Variants in C6 observed in about 807,000 individuals in gnomAD.
C6 encodes the protein complement component C6.
Under a neutral mutation model 112.9 loss-of-function variants are expected in C6, and 101 were observed. The ratio of observed to expected loss-of-function variants is 0.89; its 90% CI spans 0.76 to 1.06. C6 has a LOEUF of 1.06. C6 is among the 50% of genes least tolerant of loss of function. The pLI, the probability that C6 is intolerant of heterozygous loss-of-function variation, is 0.00. For missense variants in C6, 1,202 were observed against 1,104.6 expected (o/e 1.09, Z -1.25); for synonymous variants, 431 against 384.1 (o/e 1.12, Z -1.43).
intron 1 of C6, among the ~76,000 whole-genome samples, chr5:41,222,925 ACTGT>A (rs1383833673): frequency 6.6e-6 from 1 of 152,154 alleles, no homozygotes; most frequent in Non-Finnish European, 1.5e-5. Flanking sequence ...TAATATCCTA[ACTGT>A]GTTCATTTAA....
intron 3 of C6, 81 bp from the exon 4 acceptor site, chr5:41,199,993 C>T: frequency 7.9e-7 from 1 of 1,268,792 alleles, no homozygotes. Context: ...GCTCCTCAAT[C>T]ACAACAGTGA....
At chr5:41,169,410 A>G (rs1748249331) in intron 9 of C6, among the ~76,000 whole-genome samples, 1 of 152,142 alleles carries the variant, frequency 6.6e-6, no homozygotes, top group Non-Finnish European at 1.5e-5. Flanking sequence ...GTTTGACTGA[A>G]AATTGAAAAC....
intron 9 of C6, among the ~76,000 whole-genome samples, chr5:41,166,372 T>G (rs1747974839): frequency 6.6e-6 from 1 of 151,970 alleles, no homozygotes; most frequent in Non-Finnish European, 1.5e-5. Context: ...TTCCTCTCTA[T>G]GCCTCTGTGT....
chr5:41,247,586 C>A (rs1021978000), intron 1 of C6, among the ~76,000 whole-genome samples: 7 of 151,606 alleles, frequency 4.6e-5, no homozygotes, highest in Non-Finnish European at 3.0e-5. Context: ...GGCATTGTGG[C>A]GGGCGCCTGT....
chr5:41,214,174 G>A (rs1023528510), upstream of C6, among the ~76,000 whole-genome samples: 3 of 152,154 alleles, frequency 2.0e-5, no homozygotes, highest in Non-Finnish European at 4.4e-5. Context: ...ACATATTCTA[G>A]TCTTGTTTCT....
chr5:41,192,237 A>C (rs894470051), intron 5 of C6, among the ~76,000 whole-genome samples: 3 of 152,182 alleles, frequency 2.0e-5, no homozygotes, highest in African/African-American at 7.2e-5. Flanking sequence ...TCTGGATTAA[A>C]TACTACTTAA....
chr5:41,226,477 A>G (rs1354162521), intron 1 of C6, among the ~76,000 whole-genome samples: 2 of 152,172 alleles, frequency 1.3e-5, no homozygotes, highest in African/African-American at 4.8e-5. Flanking sequence ...AGGTGTGGAG[A>G]AATAGCAGTT....
chr5:41,250,139 G>C (rs549829163), intron 1 of C6, among the ~76,000 whole-genome samples: 1 of 152,132 alleles, frequency 6.6e-6, no homozygotes, highest in Non-Finnish European at 1.5e-5. Flanking sequence ...ATGTGGCTCC[G>C]GCTTTGCAGC....
chr5:41,158,871 A>C (rs1362551116), intron 12 of C6, 86 bp from the exon 13 acceptor site: 1 of 987,676 alleles, frequency 1.0e-6, no homozygotes, highest in Non-Finnish European at 1.6e-6. Flanking sequence ...ATACATGTGT[A>C]CACATTGCAT....
chr5:41,233,437 G>A (rs147366924), intron 1 of C6, among the ~76,000 whole-genome samples: 4 of 152,172 alleles, frequency 2.6e-5, no homozygotes, highest in African/African-American at 9.6e-5. Flanking sequence ...GAACTCTAAG[G>A]AAGGCATAAT....
chr5:41,182,005 A>C (rs559558283), intron 6 of C6, among the ~76,000 whole-genome samples: 3 of 152,120 alleles, frequency 2.0e-5, no homozygotes, highest in Non-Finnish European at 4.4e-5. Context: ...CTTGTTTTAT[A>C]CTTTTTCAAG....
At chr5:41,185,925 G>A in intron 6 of C6, 145 bp downstream of exon 6, 1 of 1,008,900 alleles carries the variant, frequency 9.9e-7, no homozygotes, top group South Asian at 1.3e-5. Context: ...GTGTGTGCAT[G>A]GATAAAATAC....
rs754072997 is a variant in C6 at position 41,172,234 on chromosome 5, T to C, written c.1282A>G (p.Lys428Glu). 6.2e-7 allele frequency: 1 copy of C among 1,613,716 alleles called. No homozygotes were observed. The highest frequency in any genetic ancestry group is 1.3e-5 in the African/African-American group (1 of 74,906). ...GAGAGAGTACTGTTACCTTCATGTT[T>C]CTCTGACAGCTTGTTGGTGGTGCAC... ...HRCTTNKLSE[K>E]HEGSFIQGAE... Residue 428 changes from lysine (K) to glutamate (E), a missense_variant, in exon 9 of 18, where the codon AAA (lysine) becomes GAA (glutamate). Transcript: ENST00000337836.
chr5:41,182,935 A>C (rs577460102), intron 6 of C6, among the ~76,000 whole-genome samples: 1 of 152,230 alleles, frequency 6.6e-6, no homozygotes, highest in Non-Finnish European at 1.5e-5. Context: ...AATCTGCTGT[A>C]AAAGAATTTT....
At chr5:41,226,931 T>C (rs1337169373) in intron 1 of C6, among the ~76,000 whole-genome samples, 2 of 152,148 alleles carry the variant, frequency 1.3e-5, no homozygotes, top group South Asian at 2.1e-4. Flanking sequence ...AGTACAGATA[T>C]CTCTTTGACA....
chr5:41,158,790 A>G lies in C6; in HGVS notation c.1857-5T>C, dbSNP rs1255493516. The G allele has an allele frequency of 1.4e-6, 2 of 1,472,226 alleles. No homozygotes were observed. The highest frequency in any genetic ancestry group is 2.8e-5 in the African/African-American group (2 of 72,238). The allele number at this position is 1,472,226 out of a possible 1,614,324, so 91.2% of individuals were successfully genotyped here. A position where few individuals can be genotyped will look rare whatever the true frequency, so the allele number is the denominator to read the frequency against. Reference sequence around the variant, plus strand: ...TCATTGATACATGGTTGTCCACTAAAAGGGAAACATAAATATGTGTGTATA... The same window carrying G: ...TCATTGATACATGGTTGTCCACTAAGAGGGAAACATAAATATGTGTGTATA... On this transcript the variant is annotated splice_polypyrimidine_tract_variant and splice_region_variant and intron_variant, in intron 12 of 17. Coordinates refer to ENST00000337836, the MANE Select transcript of C6 (RefSeq NM_000065.5).
intron 5 of C6, among the ~76,000 whole-genome samples, chr5:41,193,752 C>A (rs1580160098): frequency 6.9e-6 from 1 of 144,482 alleles, no homozygotes; most frequent in African/African-American, 2.6e-5. Flanking sequence ...TAAAATTTTT[C>A]TTGGAGAAAT....
At chr5:41,256,409 C>G (rs1395738274) in intron 1 of C6, among the ~76,000 whole-genome samples, 1 of 144,652 alleles carries the variant, frequency 6.9e-6, no homozygotes, top group African/African-American at 2.6e-5. Flanking sequence ...GCACATATAC[C>G]CTAAAACTTA....
At chr5:41,162,806 T>G (rs1328500375) in intron 9 of C6, among the ~76,000 whole-genome samples, 1 of 152,012 alleles carries the variant, frequency 6.6e-6, no homozygotes, top group African/African-American at 2.4e-5. Context: ...GCTTTTAGAG[T>G]CAAGTGCATA....
Sources: gnomAD v4.1 joint callset for allele counts (sites outside exome capture counted in the v4.1 genomes callset) on GRCh38, gnomAD v4.1.1 for gene constraint, MANE v1.5 for transcripts, NCBI Gene and HGNC (gene_info 2026-07-23, HGNC 2026-07-21) for gene names.